CCDC60: variants seen among roughly 807,000 people sequenced by gnomAD.
CCDC60 encodes the protein coiled-coil domain-containing protein 60.
In CCDC60, 54 loss-of-function variants were observed where a neutral mutation model predicts 63.5. The observed-to-expected ratio is 0.85, with a 90% CI of 0.68 to 1.07. The LOEUF is 1.07. Among genes scored for constraint, CCDC60 ranks in the 50% least tolerant of loss-of-function variants. The pLI, the probability that CCDC60 is intolerant of heterozygous loss-of-function variation, is 0.00. For synonymous variants in CCDC60, 206 were observed against 238.8 expected, an observed-to-expected ratio of 0.86 and a Z score of 1.27; for missense variants, 651 against 684.3, an observed-to-expected ratio of 0.95 and a Z score of 0.54.
intron 2 of CCDC60, among the ~76,000 whole-genome samples, chr12:119,449,631 C>T (rs1222678103): frequency 6.6e-6 from 1 of 152,128 alleles, no homozygotes; most frequent in Non-Finnish European, 1.5e-5. Context: ...TTTAAGTAGT[C>T]TCTATGTGCT....
At chr12:119,398,862 C>CA (rs1956335186) in intron 1 of CCDC60, among the ~76,000 whole-genome samples, 1 of 152,182 alleles carries the variant, frequency 6.6e-6, no homozygotes, top group Admixed American at 6.5e-5. Flanking sequence ...TAACAGACAA[C>CA]ATTTATTAAG....
chr12:119,523,885 G>C (rs1952604167), intron 11 of CCDC60, 67 bp downstream of exon 11: 1 of 1,527,482 alleles, frequency 6.5e-7, no homozygotes, highest in Non-Finnish European at 9.0e-7. Flanking sequence ...TGCCTGCCAG[G>C]TGCCAGGTGC....
chr12:119,505,071 C>A lies in CCDC60; in HGVS notation c.651C>A (p.Thr217=), dbSNP rs879462075. ...TCTCTTTCTTCTCTTTCCTTTAGAC[C>A]AAGAAATTCAAAATTCCCACAATGC... ...KWEHFITAPK[T]KKFKIPTMRV... is the part of the protein sequence containing the mutation. The change falls in exon 7 of 14, where the codon ACC becomes ACA. Residue 217 remains threonine, a splice_region_variant and synonymous_variant. Coordinates refer to ENST00000327554, the MANE Select transcript of CCDC60 (RefSeq NM_178499.5). 1.9e-6 allele frequency: 3 copies of A among 1,595,898 alleles called. No individual in the cohort carries two copies. Among genetic ancestry groups the A allele is most frequent in the Non-Finnish European group, 1.7e-6 (2 of 1,167,600 alleles).
intron 3 of CCDC60, among the ~76,000 whole-genome samples, 191 bp from the exon 4 acceptor site, chr12:119,478,903 C>A (rs981305184): frequency 6.6e-6 from 1 of 152,192 alleles, no homozygotes; most frequent in African/African-American, 2.4e-5. Flanking sequence ...CGGCACCCGA[C>A]CGAGGGCAGG....
At chr12:119,500,219 G>A in intron 6 of CCDC60, 51 bp downstream of exon 6, 15 of 1,240,626 alleles carry the variant, frequency 1.2e-5, no homozygotes, top group Non-Finnish European at 1.7e-5. Flanking sequence ...CCCAGCTTGT[G>A]TTGAGGAGTA....
At chr12:119,404,671 A>G (rs1456137842) in intron 1 of CCDC60, among the ~76,000 whole-genome samples, 1 of 152,226 alleles carries the variant, frequency 6.6e-6, no homozygotes, top group Non-Finnish European at 1.5e-5. Context: ...AGACCCCAAC[A>G]GGGATGAGGA....
intron 5 of CCDC60, among the ~76,000 whole-genome samples, chr12:119,491,237 A>G (rs1951575746): frequency 6.6e-6 from 1 of 152,240 alleles, no homozygotes; most frequent in African/African-American, 2.4e-5. Flanking sequence ...CCATTTCTTT[A>G]TTAACAGACA....
At chr12:119,522,218 C>T (rs1371441062) in intron 9 of CCDC60, among the ~76,000 whole-genome samples, 1 of 152,170 alleles carries the variant, frequency 6.6e-6, no homozygotes, top group African/African-American at 2.4e-5. Context: ...AGGTGCTAGA[C>T]AATGGTGCTG....
At position 119,445,433 on chromosome 12, in the gene CCDC60, C is replaced by CAAAAAAAA. The variant is rs58415660; in HGVS notation, c.170+16687_170+16694dup. ...TGAGTGACAGAGCGAGACTCCATCT[C>CAAAAAAAA]AAAAAAAAAAAAAAAAAAAAAAAGG... On this transcript the variant is annotated intron_variant, in intron 2 of 13. Coordinates refer to ENST00000327554, the MANE Select transcript of CCDC60 (RefSeq NM_178499.5). Among the ~76,000 whole-genome samples the CAAAAAAAA allele has an allele frequency of 3.9e-3, 105 of 27,192 alleles. 9 individuals are homozygous for CAAAAAAAA. Among genetic ancestry groups the CAAAAAAAA allele is most frequent in the African/African-American group, 0.016 (103 of 6,354 alleles). The allele number at this position is 27,192 out of a possible 152,430, so 17.8% of individuals were successfully genotyped here. A position where few individuals can be genotyped will look rare whatever the true frequency, so the allele number is the denominator to read the frequency against.
chr12:119,431,365 C>T (rs1283415889), intron 2 of CCDC60, among the ~76,000 whole-genome samples: 1 of 152,206 alleles, frequency 6.6e-6, no homozygotes, highest in Non-Finnish European at 1.5e-5. Context: ...TGAAGCTATT[C>T]TCTTGTGCTG....
At chr12:119,479,068 T>TG (rs1398928400) in intron 3 of CCDC60, 26 bp from the exon 4 acceptor site, 1 of 1,528,816 alleles carries the variant, frequency 6.5e-7, no homozygotes, top group Non-Finnish European at 9.1e-7. Context: ...TTGTTCACAT[T>TG]GTTTCTCTGT....
intron 1 of CCDC60, among the ~76,000 whole-genome samples, chr12:119,352,806 G>A (rs1248856627): frequency 1.3e-5 from 2 of 152,112 alleles, no homozygotes; most frequent in African/African-American, 4.8e-5. Flanking sequence ...ATGTGGTGGT[G>A]GTAGGTACCT....
chr12:119,401,304 C>T (rs893138735), intron 1 of CCDC60, among the ~76,000 whole-genome samples: 5 of 152,208 alleles, frequency 3.3e-5, no homozygotes, highest in Non-Finnish European at 5.9e-5. Flanking sequence ...CCCATCTAAT[C>T]TCCTATCACC....
intron 7 of CCDC60, among the ~76,000 whole-genome samples, chr12:119,514,342 AT>A (rs34264020): frequency 0.43 from 54,956 of 127,130 alleles, 10,835 homozygotes; most frequent in East Asian, 0.71. Flanking sequence ...ACATCTGGCT[AT>A]TTTTTTTTTT....
At chr12:119,397,460 T>C (rs1318469971) in intron 1 of CCDC60, among the ~76,000 whole-genome samples, 1 of 152,034 alleles carries the variant, frequency 6.6e-6, no homozygotes, top group African/African-American at 2.4e-5. Context: ...TGCTGATTGG[T>C]GCATTTGCAA....
chr12:119,486,129 G>T (rs575053830), intron 4 of CCDC60, among the ~76,000 whole-genome samples: 42 of 152,332 alleles, frequency 2.8e-4, no homozygotes, highest in African/African-American at 1.0e-3. Flanking sequence ...CAGGCATGTG[G>T]CACAGCTAGC....
In CCDC60 at chr12:119,410,961, G is replaced by A. The variant is rs1956588204; in HGVS notation, c.91-17722G>A. Among the ~76,000 whole-genome samples, 1 of 152,140 alleles carries A rather than the reference G, an allele frequency of 6.6e-6. No homozygotes were observed. Among genetic ancestry groups the A allele is most frequent in the African/African-American group, 2.4e-5 (1 of 41,426 alleles). On this transcript the variant is annotated intron_variant, in intron 1 of 13. Coordinates refer to ENST00000327554, the MANE Select transcript of CCDC60 (RefSeq NM_178499.5). This position sits in a 1 kb window ranked among gnomAD's most constrained non-coding sequence, Gnocchi z 4.0. The stretch of plus-strand genomic sequence containing the variant: ...AGGGTTTTGCCATGTTGGCTAGGCT[G>A]GCCTCAAGTGATCCCCACACCTCAG...
intron 1 of CCDC60, among the ~76,000 whole-genome samples, chr12:119,336,789 G>C (rs933620241): frequency 6.6e-6 from 1 of 152,248 alleles, no homozygotes; most frequent in Non-Finnish European, 1.5e-5. Context: ...TATGGGACAT[G>C]AAACAGTGTT....
chr12:119,504,887 G>T (rs1183318724), intron 6 of CCDC60, among the ~76,000 whole-genome samples, 182 bp from the exon 7 acceptor site: 2 of 152,060 alleles, frequency 1.3e-5, no homozygotes, highest in African/African-American at 4.8e-5. Context: ...GTGACAAAAG[G>T]TCACTCCAGA....
Sources: allele counts gnomAD v4.1 joint callset (sites outside exome capture counted in the v4.1 genomes callset), GRCh38; gene constraint gnomAD v4.1.1; non-coding constraint Gnocchi (gnomAD v3.1); transcripts MANE v1.5; gene names NCBI Gene and HGNC (gene_info 2026-07-23, HGNC 2026-07-21).